Variants in KCNN2 observed in about 807,000 individuals in gnomAD.
The protein encoded by KCNN2 is potassium calcium-activated channel subfamily N member 2.
KCNN2 carries 24 observed loss-of-function variants against 55.5 expected under a neutral mutation model. The observed-to-expected ratio is 0.43, with a 90% CI of 0.31 to 0.61. The LOEUF is 0.61. Among genes scored for constraint, KCNN2 ranks in the 20% least tolerant of loss-of-function variants. The pLI is 0.08. For missense variants in KCNN2, 754 were observed against 853.6 expected (o/e 0.88, Z 1.45); for synonymous variants, 431 against 336.1 (o/e 1.28, Z -3.09).
intron 2 of KCNN2, among the ~76,000 whole-genome samples, chr5:114,318,045 A>T (rs1756535388): frequency 6.6e-6 from 1 of 152,180 alleles, no homozygotes; most frequent in South Asian, 2.1e-4. Flanking sequence ...GTCCATTCAC[A>T]TTCCCTGTGT....
intron 1 of KCNN2, among the ~76,000 whole-genome samples, chr5:114,123,899 T>C (rs1030079174): frequency 2.6e-5 from 4 of 152,166 alleles, no homozygotes; most frequent in African/African-American, 9.6e-5. Flanking sequence ...TAATTGCAAT[T>C]GTGGGCTACA....
At chr5:114,376,369 C>T (rs1757946131) in intron 2 of KCNN2, among the ~76,000 whole-genome samples, 1 of 152,318 alleles carries the variant, frequency 6.6e-6, no homozygotes, top group Admixed American at 6.5e-5. Flanking sequence ...ATTTACCCAG[C>T]AGCAAGAGGT....
chr5:114,380,537 G>A (rs955720695), intron 2 of KCNN2, among the ~76,000 whole-genome samples: 3 of 152,172 alleles, frequency 2.0e-5, no homozygotes, highest in Non-Finnish European at 4.4e-5. Flanking sequence ...GCTTCAGTTT[G>A]TCATCTGGAA....
intron 1 of KCNN2, among the ~76,000 whole-genome samples, chr5:114,087,581 G>A (rs1256609845): frequency 6.6e-6 from 1 of 152,060 alleles, no homozygotes; most frequent in Non-Finnish European, 1.5e-5. Context: ...AAGATCAGAT[G>A]GCTGTAGGTG....
chr5:114,346,722 C>T lies in KCNN2; in HGVS notation c.-184-14223C>T, dbSNP rs1262707869. 6.5e-5 allele frequency among the ~76,000 whole-genome samples: 9 copies of T among 138,120 alleles called. No homozygotes were observed. In the Admixed American group the frequency reaches 7.0e-4, roughly 11 times the overall value. The allele number at this position is 138,120 out of a possible 152,430, so 90.6% of individuals were successfully genotyped here. ...CCTGTAAAAAATGACATGGCAGTAA[C>T]AATGAGTTACCTTTGTATGCATATG... On this transcript the variant is annotated intron_variant, in intron 2 of 10. Transcript: ENST00000512097.
intron 1 of KCNN2, among the ~76,000 whole-genome samples, chr5:114,140,511 A>T (rs772306448): frequency 2.8e-4 from 42 of 152,220 alleles, no homozygotes; most frequent in Non-Finnish European, 5.9e-4. Flanking sequence ...GTCATCATCT[A>T]CGTAAATGCA....
chr5:114,178,501 A>G (rs981681876), intron 1 of KCNN2, among the ~76,000 whole-genome samples: 1 of 152,186 alleles, frequency 6.6e-6, no homozygotes, highest in African/African-American at 2.4e-5. Context: ...ATTATCAGAA[A>G]CTGTAGGTGA....
intron 1 of KCNN2, among the ~76,000 whole-genome samples, chr5:114,100,453 C>T: frequency 6.6e-6 from 1 of 152,144 alleles, no homozygotes; most frequent in Middle Eastern, 3.4e-3. Context: ...AATCAAGGAA[C>T]TAAGTATATT....
chr5:114,385,558 T>C (rs984418225), intron 2 of KCNN2, among the ~76,000 whole-genome samples: 2 of 117,248 alleles, frequency 1.7e-5, no homozygotes, highest in African/African-American at 6.9e-5. Context: ...CACACACACA[T>C]TATTGGAATC....
intron 1 of KCNN2, among the ~76,000 whole-genome samples, chr5:114,210,781 T>G (rs1580622284): frequency 1.3e-5 from 2 of 152,332 alleles, no homozygotes; most frequent in East Asian, 3.9e-4. Flanking sequence ...AAATGTTCAC[T>G]GTTTTATTAG....
At chr5:114,265,485 AG>A (rs1464278031) in intron 2 of KCNN2, among the ~76,000 whole-genome samples, 2 of 152,138 alleles carry the variant, frequency 1.3e-5, no homozygotes, top group African/African-American at 4.8e-5. Context: ...CCTATCTGAA[AG>A]GTGACAGATT....
At chr5:114,143,946 A>C (rs1231294801) in intron 1 of KCNN2, among the ~76,000 whole-genome samples, 3 of 152,172 alleles carry the variant, frequency 2.0e-5, no homozygotes, top group Non-Finnish European at 4.4e-5. Context: ...CAATAGCACA[A>C]ATTATACACG....
At chr5:114,411,998 G>A (rs1759150577) in intron 3 of KCNN2, among the ~76,000 whole-genome samples, 1 of 152,134 alleles carries the variant, frequency 6.6e-6, no homozygotes, top group South Asian at 2.1e-4. Flanking sequence ...TTAGCACAAG[G>A]ATCAGTTATG....
At chr5:114,348,172 G>T (rs573354485) in intron 2 of KCNN2, among the ~76,000 whole-genome samples, 2 of 151,444 alleles carry the variant, frequency 1.3e-5, no homozygotes, top group Admixed American at 1.3e-4. Context: ...TCTACAAAAG[G>T]CTCGGTCTCA....
At chr5:114,462,316 T>C (rs1761246746) in intron 3 of KCNN2, among the ~76,000 whole-genome samples, 1 of 152,208 alleles carries the variant, frequency 6.6e-6, no homozygotes. Flanking sequence ...AAAGAATGAT[T>C]AGGATACTTT....
chr5:114,351,356 T>C (rs1333401716), intron 2 of KCNN2, among the ~76,000 whole-genome samples: 1 of 151,770 alleles, frequency 6.6e-6, no homozygotes, highest in Non-Finnish European at 1.5e-5. Context: ...GTGAATTCCT[T>C]AAGATTTTCT....
At chr5:114,387,612 TG>T (rs1758324576) in intron 2 of KCNN2, among the ~76,000 whole-genome samples, 1 of 152,196 alleles carries the variant, frequency 6.6e-6, no homozygotes, top group Non-Finnish European at 1.5e-5. Flanking sequence ...TGTTCCCAGT[TG>T]CTAAGGCTCT....
chr5:114,382,090 A>C (rs1324532010), intron 2 of KCNN2, among the ~76,000 whole-genome samples: 1 of 152,188 alleles, frequency 6.6e-6, no homozygotes, highest in African/African-American at 2.4e-5. Flanking sequence ...TCTCTCCTGT[A>C]TATGTTTCCT....
At chr5:114,277,754 T>G (rs1316550684) in intron 2 of KCNN2, among the ~76,000 whole-genome samples, 1 of 152,102 alleles carries the variant, frequency 6.6e-6, no homozygotes, top group African/African-American at 2.4e-5. Context: ...TTTTTCAAGG[T>G]TTTTAGCTGC....
Sources: gnomAD v4.1 joint callset for allele counts (sites outside exome capture counted in the v4.1 genomes callset) on GRCh38, gnomAD v4.1.1 for gene constraint, MANE v1.5 for transcripts, NCBI Gene and HGNC (gene_info 2026-07-23, HGNC 2026-07-21) for gene names.